SLC35F1: variants seen among roughly 807,000 people sequenced by gnomAD.
SLC35F1 encodes the protein chromosome 6 open reading frame 169.
A neutral mutation model predicts 48.7 loss-of-function variants in SLC35F1; 14 were observed. The observed-to-expected ratio is 0.29, with a 90% CI of 0.19 to 0.45. The LOEUF is 0.45. Among genes scored for constraint, SLC35F1 ranks in the 20% least tolerant of loss-of-function variants. SLC35F1 has a pLI of 1.00. For synonymous variants in SLC35F1, 190 were observed against 202.2 expected (o/e 0.94, Z 0.51); for missense variants, 404 against 500.0 (o/e 0.81, Z 1.83).
intron 2 of SLC35F1, among the ~76,000 whole-genome samples, chr6:118,232,803 G>A (rs988089792): frequency 2.8e-4 from 42 of 152,096 alleles, no homozygotes; most frequent in Non-Finnish European, 8.8e-5. Context: ...CTCTGTGGTT[G>A]TATCTCTTTG....
intron 1 of SLC35F1, among the ~76,000 whole-genome samples, chr6:118,071,664 A>T (rs1772730162): frequency 6.6e-6 from 1 of 152,094 alleles, no homozygotes; most frequent in Admixed American, 6.5e-5. Context: ...AAATCTGTTT[A>T]TTTCACCCTG....
intron 1 of SLC35F1, among the ~76,000 whole-genome samples, chr6:117,981,086 G>C (rs1037728138): frequency 1.3e-5 from 2 of 152,206 alleles, no homozygotes; most frequent in African/African-American, 4.8e-5. Context: ...TAGGGCAAAA[G>C]GAGATTCCCT....
rs561782023 is a variant in SLC35F1, at chr6:118,002,179, T to C, written c.173+94280T>C. ...ATGTTTATTGCGGCACTATTCACAA[T>C]AGCAAAGACTTGGAACCAACCCAAA... On this transcript the variant is annotated intron_variant, in intron 1 of 7. Transcript: ENST00000360388. Among the ~76,000 whole-genome samples the C allele has an allele frequency of 9.5e-3, 1,440 of 151,304 alleles. 25 individuals are homozygous for C. The highest frequency in any genetic ancestry group is 0.033 in the African/African-American group (1,369 of 41,138).
intron 1 of SLC35F1, among the ~76,000 whole-genome samples, chr6:118,097,013 C>T (rs1773186574): frequency 6.6e-6 from 1 of 152,186 alleles, no homozygotes; most frequent in South Asian, 2.1e-4. Context: ...AGAAGTCTTT[C>T]ACTCTTGGTT....
chr6:118,109,460 T>C (rs1773368523), intron 1 of SLC35F1, among the ~76,000 whole-genome samples: 1 of 152,168 alleles, frequency 6.6e-6, no homozygotes, highest in Non-Finnish European at 1.5e-5. Flanking sequence ...GGCTCAAGCA[T>C]AAACTTCAGC....
intron 7 of SLC35F1, among the ~76,000 whole-genome samples, chr6:118,298,619 G>A (rs948442792): frequency 2.0e-5 from 3 of 152,022 alleles, no homozygotes; most frequent in Non-Finnish European, 2.9e-5. Context: ...AGTCCTCTCC[G>A]AATTGCAAAG....
intron 1 of SLC35F1, among the ~76,000 whole-genome samples, chr6:118,106,597 G>C (rs1773330893): frequency 6.6e-6 from 1 of 152,106 alleles, no homozygotes; most frequent in South Asian, 2.1e-4. Flanking sequence ...GTTTAATTTT[G>C]TTTCTTTTGA....
chr6:118,205,128 G>A (rs6913819), intron 2 of SLC35F1, among the ~76,000 whole-genome samples: 1,534 of 152,252 alleles, frequency 0.01, 33 homozygotes, highest in African/African-American at 0.034. Context: ...CCCATCCTCC[G>A]TCAAGTCAAG....
intron 1 of SLC35F1, among the ~76,000 whole-genome samples, chr6:118,008,045 T>C (rs1777197087): frequency 6.6e-6 from 1 of 152,114 alleles, no homozygotes; most frequent in Non-Finnish European, 1.5e-5. Context: ...CACATGGATA[T>C]TTGCTCTTTC....
intron 1 of SLC35F1, among the ~76,000 whole-genome samples, chr6:117,983,274 T>C (rs762782765): frequency 6.6e-6 from 1 of 152,136 alleles, no homozygotes; most frequent in Non-Finnish European, 1.5e-5. Context: ...GACAAGTGGC[T>C]TGTACACAGT....
At chr6:118,179,680 C>A (rs1774542858) in intron 2 of SLC35F1, among the ~76,000 whole-genome samples, 1 of 152,132 alleles carries the variant, frequency 6.6e-6, no homozygotes, top group South Asian at 2.1e-4. Flanking sequence ...GGGAGAAACT[C>A]TTCCCAGTAC....
intron 7 of SLC35F1, among the ~76,000 whole-genome samples, chr6:118,287,624 G>T (rs1776066856): frequency 6.6e-6 from 1 of 152,188 alleles, no homozygotes; most frequent in Non-Finnish European, 1.5e-5. Context: ...AGTCTGGTTG[G>T]TAACATGTTC....
chr6:118,260,604 A>T (rs755666800), intron 3 of SLC35F1, among the ~76,000 whole-genome samples: 1 of 152,148 alleles, frequency 6.6e-6, no homozygotes, highest in Non-Finnish European at 1.5e-5. Context: ...AAATAAATGA[A>T]TGTAGTGTTT....
chr6:117,958,450 C>A lies in SLC35F1; in HGVS notation c.173+50551C>A, dbSNP rs73519588. Among the ~76,000 whole-genome samples, 1,245 of 152,238 alleles carry A rather than the reference C, an allele frequency of 8.2e-3. 20 individuals are homozygous for A. Among genetic ancestry groups the A allele is most frequent in the African/African-American group, 0.028 (1,176 of 41,532 alleles). On this transcript the variant is annotated intron_variant, in intron 1 of 7. Transcript: ENST00000360388. ...ACCAACCACTCACTCACTGACTCAC[C>A]CAGAGAAACTTCAGTCCTCCAAGTT... is the stretch of plus-strand genomic sequence containing the variant.
At chr6:118,024,693 A>G (rs1777440474) in intron 1 of SLC35F1, among the ~76,000 whole-genome samples, 1 of 152,226 alleles carries the variant, frequency 6.6e-6, no homozygotes, top group African/African-American at 2.4e-5. Context: ...AAAGGAAATC[A>G]CATGAAATAT....
chr6:118,280,335 G>A (rs1195370701), intron 6 of SLC35F1, among the ~76,000 whole-genome samples: 6 of 152,182 alleles, frequency 3.9e-5, no homozygotes, highest in Non-Finnish European at 7.3e-5. Flanking sequence ...CTGTGCTAAA[G>A]GATGTGTGAA....
At chr6:118,009,032 C>T (rs1328598846) in intron 1 of SLC35F1, among the ~76,000 whole-genome samples, 1 of 152,146 alleles carries the variant, frequency 6.6e-6, no homozygotes, top group East Asian at 1.9e-4. Flanking sequence ...TACTCGTGTA[C>T]TGTCGTGAAG....
In SLC35F1 at chr6:118,198,692, A is replaced by G. The variant is rs990822970; in HGVS notation, c.350-36817A>G. ...GATGTATTCCAGAGCTGAAATATATACCCATATGTCACATTAATGTTTACA... is the reference window on the plus strand; with the variant it reads ...GATGTATTCCAGAGCTGAAATATATGCCCATATGTCACATTAATGTTTACA... On this transcript the variant is annotated intron_variant, in intron 2 of 7. Transcript: ENST00000360388. Among the ~76,000 whole-genome samples, 3 of 152,172 alleles carry G rather than the reference A, an allele frequency of 2.0e-5. No homozygotes were observed. In the East Asian group the frequency reaches 5.8e-4, roughly 29 times the overall value.
In SLC35F1 at chr6:118,235,673, A is replaced by C. The variant is rs1179607141; in HGVS notation, c.477+37A>C. The C allele has an allele frequency of 3.8e-6, 6 of 1,597,514 alleles. No individual in the cohort carries two copies. In the South Asian group the frequency reaches 5.6e-5, roughly 15 times the overall value. ...TCTTCTTCCCTTCTCAACTTCCTCT[A>C]TCCAGATGTAGTTTACTTTCAGTTT... On this transcript the variant is annotated intron_variant, in intron 3 of 7. Coordinates refer to ENST00000360388, the MANE Select transcript of SLC35F1 (RefSeq NM_001029858.4).
Sources: gnomAD v4.1 joint callset for allele counts (sites outside exome capture counted in the v4.1 genomes callset) on GRCh38, gnomAD v4.1.1 for gene constraint, MANE v1.5 for transcripts, NCBI Gene and HGNC (gene_info 2026-07-23, HGNC 2026-07-21) for gene names.